PRR5: variants seen among roughly 807,000 people sequenced by gnomAD.
PRR5 encodes the protein proline-rich protein 5.
Under a neutral mutation model 30.6 loss-of-function variants are expected in PRR5, and 25 were observed. That is an observed-to-expected ratio of 0.82 (90% CI 0.60 to 1.14). The LOEUF (loss-of-function observed/expected upper bound fraction) is 1.14, where lower values mean the gene tolerates loss of function less well. PRR5 is among the 50% of genes most tolerant of loss of function. The probability of loss-of-function intolerance (pLI) is 0.00; values close to 1 mark genes in which losing one functional copy is unlikely to be tolerated. For synonymous variants in PRR5, 286 were observed against 247.1 expected (o/e 1.16, Z -1.48); for missense variants, 600 against 547.1 (o/e 1.10, Z -0.96).
chr22:44,704,685 C>T (rs1402588615), intron 1 of PRR5, among the ~76,000 whole-genome samples: 1 of 152,036 alleles, frequency 6.6e-6, no homozygotes, highest in Admixed American at 6.6e-5. Context: ...CTGACTTTGC[C>T]ACTCTCCTAG....
chr22:44,708,964 CTCAAAAA>C (rs1927689767), intron 1 of PRR5, among the ~76,000 whole-genome samples: 1 of 75,930 alleles, frequency 1.3e-5, no homozygotes, highest in African/African-American at 6.1e-5. Context: ...GAGACTCTGT[CTCAAAAA>C]AAAAAAAAAA....
chr22:44,732,848 ACACG>A (rs1922369459), intron 6 of PRR5, among the ~76,000 whole-genome samples: 2 of 136,870 alleles, frequency 1.5e-5, no homozygotes, highest in Non-Finnish European at 3.1e-5. Context: ...ACACGTGCAC[ACACG>A]TGCACACGCA....
chr22:44,720,439 C>A (rs1368762298), intron 2 of PRR5, among the ~76,000 whole-genome samples: 1 of 152,180 alleles, frequency 6.6e-6, no homozygotes. Context: ...CTGGAGTGAA[C>A]ATGGTTCCCA....
chr22:44,702,195 T>G, upstream of PRR5: 2 of 1,032,880 alleles, frequency 1.9e-6, no homozygotes, highest in Non-Finnish European at 2.4e-6. Flanking sequence ...CGCCCCCGGG[T>G]CCGCCCCCGG....
chr22:44,729,133 G>T (rs996196223), intron 4 of PRR5, among the ~76,000 whole-genome samples: 1 of 152,170 alleles, frequency 6.6e-6, no homozygotes, highest in Non-Finnish European at 1.5e-5. Flanking sequence ...TCCAAACCCG[G>T]TATGGGTCAC....
At chr22:44,732,567 G>T (rs569833585) in intron 6 of PRR5, among the ~76,000 whole-genome samples, 176 bp downstream of exon 6, 1 of 152,306 alleles carries the variant, frequency 6.6e-6, no homozygotes, top group African/African-American at 2.4e-5. Flanking sequence ...AGAGCTGTGG[G>T]TGCAGGAGAG....
intron 1 of PRR5, chr22:44,680,022 A>G: frequency 1.3e-6 from 1 of 749,856 alleles, no homozygotes. Flanking sequence ...CCTCAGCCTG[A>G]GTGAGTGTGT....
intron 2 of PRR5, among the ~76,000 whole-genome samples, chr22:44,720,537 C>CA (rs1345059942): frequency 6.6e-6 from 1 of 152,164 alleles, no homozygotes; most frequent in African/African-American, 2.4e-5. Flanking sequence ...GAGGGGAACC[C>CA]AGGTGCTGGC....
In PRR5 at chr22:44,737,258, C is replaced by T. The variant is rs368827271; in HGVS notation, c.*11C>T. On this transcript the variant is annotated 3_prime_UTR_variant, in exon 8 of 8. Coordinates refer to ENST00000336985, the MANE Select transcript of PRR5 (RefSeq NM_181333.4). Reference sequence around the variant, plus strand: ...CAGAGTGTCGTGTGAGGCCTCACAGCTGGCCTTGAGTTTTTACTGACACGT... The same window carrying T: ...CAGAGTGTCGTGTGAGGCCTCACAGTTGGCCTTGAGTTTTTACTGACACGT... 17 of 1,586,034 alleles carry T rather than the reference C, an allele frequency of 1.1e-5. No homozygotes were observed. The African/African-American group carries it at 2.2e-4, about 20-fold the overall frequency.
In PRR5 at chr22:44,702,432, G is replaced by C. The variant is rs1240275590; in HGVS notation, c.-43G>C. On this transcript the variant is annotated 5_prime_UTR_variant, in exon 1 of 8. Transcript: ENST00000336985. ...TTGGTGCGGCGTGGCGCAGGGCGCG[G>C]CGTGGGGCGCGCGTGGGCGCGGCGC... 1 of 1,280,212 alleles carries C rather than the reference G, an allele frequency of 7.8e-7. No individual in the cohort carries two copies. Among genetic ancestry groups the C allele is most frequent in the Non-Finnish European group, 9.9e-7 (1 of 1,011,322 alleles). 79.3% of individuals were successfully genotyped at this position (1,280,212 alleles called of 1,614,324 possible). A position where few individuals can be genotyped will look rare whatever the true frequency, so the allele number is the denominator to read the frequency against.
At chr22:44,722,883 T>G (rs1930148181) in intron 2 of PRR5, among the ~76,000 whole-genome samples, 1 of 152,198 alleles carries the variant, frequency 6.6e-6, no homozygotes, top group African/African-American at 2.4e-5. Flanking sequence ...AGTCCTCTCT[T>G]TGCACCACAG....
In PRR5 at chr22:44,702,464, C is replaced by T. The variant is rs753674163; in HGVS notation, c.-11C>T. 24 of 1,375,872 alleles carry T rather than the reference C, an allele frequency of 1.7e-5. No individual in the cohort carries two copies. The highest frequency in any genetic ancestry group is 1.1e-4 in the African/African-American group (7 of 65,980). The allele number at this position is 1,375,872 out of a possible 1,614,324, so 85.2% of individuals were successfully genotyped here. A position where few individuals can be genotyped will look rare whatever the true frequency, so the allele number is the denominator to read the frequency against. On this transcript the variant is annotated 5_prime_UTR_variant, in exon 1 of 8. Coordinates refer to ENST00000336985, the MANE Select transcript of PRR5 (RefSeq NM_181333.4). ...GCGCGCGTGGGCGCGGCGCAGGCGGCCCGGGTCACCATGAGGACTCTCCGC... is the reference window on the plus strand; with the variant it reads ...GCGCGCGTGGGCGCGGCGCAGGCGGTCCGGGTCACCATGAGGACTCTCCGC...
chr22:44,728,768 A>G (rs905030885), intron 4 of PRR5, among the ~76,000 whole-genome samples: 5 of 152,140 alleles, frequency 3.3e-5, no homozygotes, highest in African/African-American at 1.2e-4. Flanking sequence ...AGCTGTCCCT[A>G]CAGAGCCTCT....
rs1251093584 is a variant in PRR5 at position 44,702,382 on chromosome 22, A to AG, written c.-90dup. ...TGCTCTCGCCGGAGTTTCCGCGTAG[A>AG]GGGCGCATCGCCGGCCCGGGGCCCT... On this transcript the variant is annotated 5_prime_UTR_variant, in exon 1 of 8. Transcript: ENST00000336985. 8.3e-7 allele frequency: 1 copy of AG among 1,202,866 alleles called. No individual in the cohort carries two copies. The highest frequency in any genetic ancestry group is 1.6e-5 in the African/African-American group (1 of 62,224). The allele number at this position is 1,202,866 out of a possible 1,614,324, so 74.5% of individuals were successfully genotyped here. A position where few individuals can be genotyped will look rare whatever the true frequency, so the allele number is the denominator to read the frequency against.
chr22:44,699,934 GT>G (rs11309122), upstream of PRR5, among the ~76,000 whole-genome samples: 137,831 of 148,902 alleles, frequency 0.93, 63,633 homozygotes, highest in South Asian at 0.96. Flanking sequence ...TGTTGTTTTT[GT>G]TTTTTTTTTT....
At chr22:44,725,186 C>G in intron 2 of PRR5, 58 bp from the exon 3 acceptor site, 1 of 1,601,496 alleles carries the variant, frequency 6.2e-7, no homozygotes, top group South Asian at 1.1e-5. Context: ...GTCCGTGGGT[C>G]CCCCATGCCA....
At chr22:44,671,217 C>T (rs987760493) in intron 1 of PRR5, among the ~76,000 whole-genome samples, 4 of 152,166 alleles carry the variant, frequency 2.6e-5, no homozygotes, top group African/African-American at 9.7e-5. Flanking sequence ...CGCAGGGGGC[C>T]AGCGCTGAAC....
chr22:44,698,521 C>T (rs1417274194), upstream of PRR5, among the ~76,000 whole-genome samples: 1 of 152,162 alleles, frequency 6.6e-6, no homozygotes, highest in African/African-American at 2.4e-5. Context: ...ATGAGCCCTG[C>T]CCAGGGTACC....
At chr22:44,708,412 G>C (rs573356443) in intron 1 of PRR5, among the ~76,000 whole-genome samples, 1 of 152,116 alleles carries the variant, frequency 6.6e-6, no homozygotes, top group Non-Finnish European at 1.5e-5. Flanking sequence ...TAGGGTCAGA[G>C]CACAAAGGCA....
Sources: allele counts gnomAD v4.1 joint callset (sites outside exome capture counted in the v4.1 genomes callset), GRCh38; gene constraint gnomAD v4.1.1; transcripts MANE v1.5; gene names NCBI Gene and HGNC (gene_info 2026-07-23, HGNC 2026-07-21).